Variants in CACNA2D1 observed in about 807,000 individuals in gnomAD.
CACNA2D1 encodes the protein voltage-dependent calcium channel subunit alpha-2/delta-1.
In CACNA2D1, 53 loss-of-function variants were observed where a neutral mutation model predicts 171.5. The ratio of observed to expected loss-of-function variants is 0.31; its 90% confidence interval spans 0.25 to 0.39. The LOEUF (loss-of-function observed/expected upper bound fraction) is 0.39, where lower values mean the gene tolerates loss of function less well. Ranked by LOEUF, CACNA2D1 falls within the 10% of genes least tolerant of loss-of-function variation. CACNA2D1 has a pLI of 1.00. For missense variants in CACNA2D1, 903 were observed against 1,299.8 expected (o/e 0.69, Z 4.69); for synonymous variants, 442 against 443.1 (o/e 1.00, Z 0.03).
chr7:82,429,342 T>C (rs1412815546), intron 1 of CACNA2D1, among the ~76,000 whole-genome samples: 1 of 152,162 alleles, frequency 6.6e-6, no homozygotes, highest in Non-Finnish European at 1.5e-5. Flanking sequence ...TGTATGTGAC[T>C]GATGTATGTG....
At chr7:82,300,846 G>T (rs1054662875) in intron 3 of CACNA2D1, among the ~76,000 whole-genome samples, 4 of 151,996 alleles carry the variant, frequency 2.6e-5, no homozygotes, top group African/African-American at 7.2e-5. Flanking sequence ...AAATATGCGT[G>T]AAACTGATAT....
At chr7:81,965,260 T>G (rs1477853672) in intron 32 of CACNA2D1, among the ~76,000 whole-genome samples, 1 of 151,926 alleles carries the variant, frequency 6.6e-6, no homozygotes, top group Non-Finnish European at 1.5e-5. Flanking sequence ...CACATCAGTT[T>G]TAACAAGCTA....
chr7:82,217,578 G>T (rs2129239865), intron 3 of CACNA2D1, among the ~76,000 whole-genome samples: 1 of 147,422 alleles, frequency 6.8e-6, no homozygotes, highest in South Asian at 2.1e-4. Flanking sequence ...CAGTTATACA[G>T]CAGTCATTAT....
chr7:82,053,094 T>C (rs895033992), intron 10 of CACNA2D1, among the ~76,000 whole-genome samples: 2 of 151,672 alleles, frequency 1.3e-5, no homozygotes, highest in Non-Finnish European at 2.9e-5. Context: ...CTACTAAAAA[T>C]ACAAAAAAGT....
At chr7:81,966,415 A>G (rs777216893) in intron 31 of CACNA2D1, among the ~76,000 whole-genome samples, 6 of 151,618 alleles carry the variant, frequency 4.0e-5, no homozygotes, top group Non-Finnish European at 8.9e-5. Context: ...TGCATAGTCT[A>G]TGTGAAATAG....
intron 4 of CACNA2D1, among the ~76,000 whole-genome samples, chr7:82,155,984 C>T (rs928613825): frequency 2.6e-5 from 4 of 151,858 alleles, no homozygotes; most frequent in African/African-American, 9.7e-5. Flanking sequence ...TTTTACTTAC[C>T]CTCTCACCTA....
intron 4 of CACNA2D1, among the ~76,000 whole-genome samples, chr7:82,150,506 AT>A (rs993357700): frequency 6.6e-6 from 1 of 151,394 alleles, no homozygotes; most frequent in East Asian, 1.9e-4. Flanking sequence ...CCTTTGCATC[AT>A]TTTTTTTCTA....
intron 3 of CACNA2D1, among the ~76,000 whole-genome samples, chr7:82,300,579 C>A (rs1019332650): frequency 6.6e-6 from 1 of 152,048 alleles, no homozygotes; most frequent in Non-Finnish European, 1.5e-5. Flanking sequence ...CATGTTTTCA[C>A]AGTAATTATT....
At chr7:82,147,220 A>G (rs1204588699) in intron 4 of CACNA2D1, among the ~76,000 whole-genome samples, 1 of 152,050 alleles carries the variant, frequency 6.6e-6, no homozygotes, top group Non-Finnish European at 1.5e-5. Context: ...CTTGAACTTC[A>G]AAGGAGATCA....
chr7:82,138,428 TTTG>T (rs1264453743), intron 4 of CACNA2D1, among the ~76,000 whole-genome samples: 1 of 76,830 alleles, frequency 1.3e-5, no homozygotes, highest in East Asian at 6.2e-4. Context: ...TAGCATTAGT[TTTG>T]TTTTTTTTGT....
At chr7:82,179,058 CCTCCTA>C (rs796649194) in intron 3 of CACNA2D1, among the ~76,000 whole-genome samples, 30 of 151,630 alleles carry the variant, frequency 2.0e-4, no homozygotes, top group African/African-American at 6.3e-4. Context: ...CAAAAGCTGT[CCTCCTA>C]CACGACAAGC....
At chr7:82,075,292 A>C (rs1009770767) in intron 7 of CACNA2D1, among the ~76,000 whole-genome samples, 3 of 152,124 alleles carry the variant, frequency 2.0e-5, no homozygotes, top group Non-Finnish European at 4.4e-5. Context: ...CACTTAAAGC[A>C]TTTTTATTTA....
At chr7:82,186,484 G>GT (rs1262066380) in intron 3 of CACNA2D1, among the ~76,000 whole-genome samples, 1 of 152,158 alleles carries the variant, frequency 6.6e-6, no homozygotes, top group Non-Finnish European at 1.5e-5. Context: ...ACAGAGCAAA[G>GT]TTAAGGTTGC....
intron 2 of CACNA2D1, among the ~76,000 whole-genome samples, chr7:82,341,392 G>A (rs1818608728): frequency 6.6e-6 from 1 of 151,998 alleles, no homozygotes; most frequent in Admixed American, 6.6e-5. Flanking sequence ...ATTGATGTTA[G>A]AATATACTTT....
intron 3 of CACNA2D1, among the ~76,000 whole-genome samples, chr7:82,320,588 T>C (rs1384104382): frequency 6.6e-6 from 1 of 150,934 alleles, no homozygotes; most frequent in Non-Finnish European, 1.5e-5. Flanking sequence ...ATTTTTTTTT[T>C]TTTTTTTTTT....
intron 10 of CACNA2D1, among the ~76,000 whole-genome samples, chr7:82,056,526 C>A (rs549817524): frequency 6.6e-6 from 1 of 151,998 alleles, no homozygotes; most frequent in Non-Finnish European, 1.5e-5. Context: ...CAAAATAGGC[C>A]CATGAATGGA....
intron 12 of CACNA2D1, among the ~76,000 whole-genome samples, chr7:82,016,308 C>T (rs1037235940): frequency 4.6e-5 from 7 of 152,092 alleles, no homozygotes; most frequent in African/African-American, 1.7e-4. Context: ...GGAAAAAGTC[C>T]AGATGCTCCA....
chr7:82,148,762 C>T (rs187583069), intron 4 of CACNA2D1, among the ~76,000 whole-genome samples: 4 of 152,082 alleles, frequency 2.6e-5, no homozygotes, highest in Non-Finnish European at 5.9e-5. Flanking sequence ...CTCAGCCTCC[C>T]GAGTAGCTGG....
rs1010835524 is a variant in CACNA2D1 at position 82,227,151 on chromosome 7, A to C, written c.295-56542T>G. Among the ~76,000 whole-genome samples, 15 of 152,320 alleles carry C rather than the reference A, an allele frequency of 9.8e-5. No individual in the cohort carries two copies. In the East Asian group the frequency reaches 2.9e-3, roughly 29 times the overall value. On this transcript the variant is annotated intron_variant, in intron 3 of 38. Transcript: ENST00000356860. ...AAAATAAAACAATAAAATGGTATCCATTCCCCACTATGTGAGTGAGTTCAA... is the reference window on the plus strand; with the variant it reads ...AAAATAAAACAATAAAATGGTATCCCTTCCCCACTATGTGAGTGAGTTCAA...
Sources: gnomAD v4.1 joint callset for allele counts (sites outside exome capture counted in the v4.1 genomes callset) on GRCh38, gnomAD v4.1.1 for gene constraint, MANE v1.5 for transcripts, NCBI Gene and HGNC (gene_info 2026-07-23, HGNC 2026-07-21) for gene names.